IQCM: variants seen among roughly 807,000 people sequenced by gnomAD.
IQCM encodes the protein IQ motif containing M.
In IQCM, 45 loss-of-function variants were observed where a neutral mutation model predicts 57.6. The observed-to-expected ratio is 0.78, with a 90% CI of 0.62 to 1.00. IQCM has a LOEUF of 1.00. IQCM is among the 50% of genes least tolerant of loss of function. The pLI, the probability that IQCM is intolerant of heterozygous loss-of-function variation, is 0.00. For synonymous variants in IQCM, 148 were observed against 158.9 expected (o/e 0.93, Z 0.51); for missense variants, 468 against 511.6 (o/e 0.91, Z 0.82).
At chr4:149,624,276 A>G (rs1442947906) in intron 7 of IQCM, among the ~76,000 whole-genome samples, 1 of 152,196 alleles carries the variant, frequency 6.6e-6, no homozygotes, top group Non-Finnish European at 1.5e-5. Flanking sequence ...CAACTGAAAT[A>G]AATACATAAA....
At position 149,515,802 on chromosome 4, in the gene IQCM, T is replaced by A. The variant is rs182693530; in HGVS notation, c.1228+32653A>T. Among the ~76,000 whole-genome samples, 279 of 152,194 alleles carry A rather than the reference T, an allele frequency of 1.8e-3. 1 individual carries two copies. Among genetic ancestry groups the A allele is most frequent in the Non-Finnish European group, 3.3e-3 (227 of 67,998 alleles). ...GATGGTCAGGGACTTGGAAAAAGCA[T>A]GACTAGAAAACTGGTGACAAAGAAA... is the stretch of plus-strand genomic sequence containing the variant. On this transcript the variant is annotated intron_variant, in intron 12 of 13. Coordinates refer to ENST00000636793, the MANE Select transcript of IQCM (RefSeq NM_001363507.2).
At chr4:149,371,417 C>A (rs963057165) in intron 13 of IQCM, among the ~76,000 whole-genome samples, 5 of 152,070 alleles carry the variant, frequency 3.3e-5, no homozygotes, top group Admixed American at 2.0e-4. Flanking sequence ...ATAGGAGAAC[C>A]CACTTATTTT....
chr4:149,787,213 T>C lies in IQCM; in HGVS notation c.-49+28098A>G, dbSNP rs532829782. Among the ~76,000 whole-genome samples the C allele has an allele frequency of 1.7e-4, 25 of 151,254 alleles. No individual in the cohort carries two copies. The South Asian group carries it at 5.2e-3, about 32-fold the overall frequency. On this transcript the variant is annotated intron_variant, in intron 2 of 13. Transcript: ENST00000636793. ...GGAACTTAGAGGACAGGTCAATAGG[T>C]GCAGCAAACCACCACAGCATATGTA...
intron 2 of IQCM, among the ~76,000 whole-genome samples, chr4:149,778,352 G>A (rs1771298242): frequency 6.6e-6 from 1 of 151,994 alleles, no homozygotes; most frequent in Admixed American, 6.6e-5. Flanking sequence ...CTCCAGCCTG[G>A]AAGACAGAGC....
rs1393672532 is a variant in IQCM, at chr4:149,563,695, G to T, written c.945C>A (p.Thr315=). The T allele has an allele frequency of 8.1e-7, 1 of 1,230,748 alleles. No homozygotes were observed. The highest frequency in any genetic ancestry group is 3.2e-5 in the East Asian group (1 of 31,684). The allele number at this position is 1,230,748 out of a possible 1,614,324, so 76.2% of individuals were successfully genotyped here. Residue 315 remains threonine (T), a synonymous_variant, in exon 10 of 14, where the codon ACC becomes ACA. Coordinates refer to ENST00000636793, the MANE Select transcript of IQCM (RefSeq NM_001363507.2). Reference sequence around the variant, plus strand: ...TAATATCTGATGGATATCTTACCTTGGTCATTACTCTTTGCAATCTTTTCC... The same window carrying T: ...TAATATCTGATGGATATCTTACCTTTGTCATTACTCTTTGCAATCTTTTCC... ...LERKRLQRVM[T]KALDHGPDMK...
At chr4:149,573,597 A>G (rs562221262) in intron 9 of IQCM, among the ~76,000 whole-genome samples, 2 of 151,890 alleles carry the variant, frequency 1.3e-5, no homozygotes, top group Non-Finnish European at 2.9e-5. Context: ...ACAATCTTTT[A>G]TTAAGCATTT....
chr4:149,388,448 A>C (rs1406278081), intron 13 of IQCM, among the ~76,000 whole-genome samples: 1 of 148,168 alleles, frequency 6.7e-6, no homozygotes, highest in Non-Finnish European at 1.5e-5. Context: ...AAGACTAAAG[A>C]TACTGAGTGT....
chr4:149,540,366 T>A (rs1268813618), intron 12 of IQCM, among the ~76,000 whole-genome samples: 1 of 150,690 alleles, frequency 6.6e-6, no homozygotes, highest in East Asian at 1.9e-4. Flanking sequence ...TTGCAGATCA[T>A]CTGAACCCCA....
chr4:149,793,745 A>C (rs1441256494), intron 2 of IQCM: 10 of 152,184 alleles, frequency 6.6e-5, no homozygotes, highest in Admixed American at 6.6e-4. Flanking sequence ...GGGAAAAAAA[A>C]CCTATAAGAT....
intron 12 of IQCM, among the ~76,000 whole-genome samples, chr4:149,457,230 A>G (rs928748255): frequency 6.6e-6 from 1 of 152,122 alleles, no homozygotes; most frequent in Admixed American, 6.6e-5. Context: ...TTGGGATTAC[A>G]TTATAATTAG....
chr4:149,375,800 A>C (rs1730666919), intron 13 of IQCM, among the ~76,000 whole-genome samples: 1 of 152,160 alleles, frequency 6.6e-6, no homozygotes, highest in Non-Finnish European at 1.5e-5. Flanking sequence ...TGGCTGCTTC[A>C]AGGTTATTTT....
chr4:149,687,859 T>C (rs1762660370), intron 5 of IQCM, among the ~76,000 whole-genome samples: 1 of 152,066 alleles, frequency 6.6e-6, no homozygotes, highest in Admixed American at 6.6e-5. Context: ...CACATGATCA[T>C]CTCAATAGAT....
intron 11 of IQCM, among the ~76,000 whole-genome samples, chr4:149,551,489 T>TA (rs1749023735): frequency 6.6e-6 from 1 of 152,102 alleles, no homozygotes; most frequent in South Asian, 2.1e-4. Flanking sequence ...TCCATAACGT[T>TA]AAAAAATCAA....
At chr4:149,812,092 G>C (rs943913789) in intron 2 of IQCM, among the ~76,000 whole-genome samples, 1 of 152,148 alleles carries the variant, frequency 6.6e-6, no homozygotes, top group South Asian at 2.1e-4. Flanking sequence ...AGTTTTATAA[G>C]TGAGCAGCAA....
At chr4:149,672,295 A>C (rs556498916) in intron 7 of IQCM, among the ~76,000 whole-genome samples, 2 of 152,328 alleles carry the variant, frequency 1.3e-5, no homozygotes, top group South Asian at 4.1e-4. Context: ...TGTGAGAAGA[A>C]GGCTTCAGAC....
intron 7 of IQCM, among the ~76,000 whole-genome samples, chr4:149,670,563 A>C (rs1422909345): frequency 6.6e-6 from 1 of 152,124 alleles, no homozygotes; most frequent in African/African-American, 2.4e-5. Flanking sequence ...CCAGTTTTCA[A>C]AGGGAATGTT....
intron 8 of IQCM, among the ~76,000 whole-genome samples, chr4:149,599,397 T>C (rs1040735393): frequency 6.6e-6 from 1 of 152,164 alleles, no homozygotes; most frequent in African/African-American, 2.4e-5. Flanking sequence ...GGAATATGTG[T>C]ACATGTGCTA....
chr4:149,394,877 A>G (rs910990089), intron 13 of IQCM, among the ~76,000 whole-genome samples: 1 of 152,034 alleles, frequency 6.6e-6, no homozygotes, highest in Non-Finnish European at 1.5e-5. Context: ...CTTGTATCAG[A>G]AAAAGGGACT....
intron 12 of IQCM, among the ~76,000 whole-genome samples, chr4:149,547,234 T>C (rs1375698490): frequency 1.3e-5 from 2 of 152,190 alleles, no homozygotes; most frequent in Non-Finnish European, 2.9e-5. Context: ...CCTTGTAGCA[T>C]AGTTTGAAGT....
Sources: allele counts gnomAD v4.1 joint callset (sites outside exome capture counted in the v4.1 genomes callset), GRCh38; gene constraint gnomAD v4.1.1; transcripts MANE v1.5; gene names NCBI Gene and HGNC (gene_info 2026-07-23, HGNC 2026-07-21).